The following ANKS1B variants were observed in gnomAD, a reference collection of about 807,000 sequenced individuals.
ANKS1B encodes the protein ankyrin repeat and sterile alpha motif domain-containing protein 1B.
In ANKS1B, 36 loss-of-function variants were observed where a neutral mutation model predicts 148.3. The ratio of observed to expected loss-of-function variants is 0.24; its 90% CI spans 0.19 to 0.32. The LOEUF (loss-of-function observed/expected upper bound fraction) is 0.32, where lower values mean the gene tolerates loss of function less well. Among genes scored for constraint, ANKS1B ranks in the 10% least tolerant of loss-of-function variants. ANKS1B has a pLI of 1.00. For missense variants in ANKS1B, 1,157 were observed against 1,542.6 expected, an observed-to-expected ratio of 0.75 and a Z score of 4.19; for synonymous variants, 542 against 560.8, an observed-to-expected ratio of 0.97 and a Z score of 0.47.
At chr12:99,384,668 C>T (rs11109820) in intron 12 of ANKS1B, among the ~76,000 whole-genome samples, 1 of 150,804 alleles carries the variant, frequency 6.6e-6, no homozygotes, top group African/African-American at 2.4e-5. Context: ...CTTTCTCCTT[C>T]CTCACCATGT....
rs989600494 is a variant in ANKS1B at position 99,632,403 on chromosome 12, G to A, written c.1272+22664C>T. On this transcript the variant is annotated intron_variant, in intron 9 of 26. Coordinates refer to ENST00000683438, the MANE Select transcript of ANKS1B (RefSeq NM_001352186.2). ...AAAGTGGAAATGTGGGGTTGGAGCTGCTGCAGAGAATCCTCACTGCATAGG... is the reference window on the plus strand; with the variant it reads ...AAAGTGGAAATGTGGGGTTGGAGCTACTGCAGAGAATCCTCACTGCATAGG... 1.1e-4 allele frequency among the ~76,000 whole-genome samples: 16 copies of A among 152,058 alleles called. No individual in the cohort carries two copies. In the East Asian group the frequency reaches 2.2e-3, roughly 20 times the overall value.
At chr12:98,809,356 T>G (rs894956348) in intron 19 of ANKS1B, among the ~76,000 whole-genome samples, 2 of 152,216 alleles carry the variant, frequency 1.3e-5, no homozygotes, top group African/African-American at 4.8e-5. Flanking sequence ...ACTAACTCCA[T>G]GCGTTAGCTG....
In ANKS1B at chr12:99,106,120, T is replaced by C. The variant is rs144559376; in HGVS notation, c.2527-21097A>G. Among the ~76,000 whole-genome samples the C allele has an allele frequency of 5.3e-5, 8 of 152,322 alleles. No homozygotes were observed. The East Asian group carries it at 1.5e-3, about 29-fold the overall frequency. ...GCAAGGGCTCAGATCTCTACTTCAA[T>C]AGAAATGCTCATTGGTACTATCTGA... On this transcript the variant is annotated intron_variant, in intron 15 of 26. Coordinates refer to ENST00000683438, the MANE Select transcript of ANKS1B (RefSeq NM_001352186.2).
intron 15 of ANKS1B, among the ~76,000 whole-genome samples, chr12:99,142,858 A>G (rs750114026): frequency 3.9e-5 from 6 of 151,956 alleles, no homozygotes; most frequent in Non-Finnish European, 8.8e-5. Context: ...ACAGTGAGGG[A>G]TTTCTGGATG....
intron 12 of ANKS1B, among the ~76,000 whole-genome samples, chr12:99,321,915 T>C (rs2085348945): frequency 6.6e-6 from 1 of 152,194 alleles, no homozygotes; most frequent in African/African-American, 2.4e-5. Flanking sequence ...GGTGGGAATG[T>C]AAATGAGTTC....
intron 1 of ANKS1B, among the ~76,000 whole-genome samples, chr12:99,915,110 A>G (rs2153790924): frequency 6.6e-6 from 1 of 152,014 alleles, no homozygotes; most frequent in Admixed American, 6.6e-5. Flanking sequence ...CTGTAATCCT[A>G]GCTACTTGGG....
intron 19 of ANKS1B, among the ~76,000 whole-genome samples, chr12:98,814,446 G>C (rs1438638362): frequency 6.6e-6 from 1 of 152,148 alleles, no homozygotes; most frequent in African/African-American, 2.4e-5. Flanking sequence ...TACTCTATTG[G>C]TGCCACTTGT....
chr12:99,885,401 T>A (rs35870754), intron 1 of ANKS1B, among the ~76,000 whole-genome samples: 1 of 150,012 alleles, frequency 6.7e-6, no homozygotes, highest in African/African-American at 2.5e-5. Flanking sequence ...CCCGGGTTCC[T>A]GCCATTCTCC....
intron 1 of ANKS1B, among the ~76,000 whole-genome samples, chr12:99,971,551 A>C (rs1244461081): frequency 6.6e-6 from 1 of 151,922 alleles, no homozygotes; most frequent in East Asian, 1.9e-4. Context: ...TCAAATGCAG[A>C]TTACTAACTA....
At chr12:98,768,916 A>G (rs527827600) in intron 25 of ANKS1B, among the ~76,000 whole-genome samples, 1 of 151,912 alleles carries the variant, frequency 6.6e-6, no homozygotes, top group East Asian at 1.9e-4. Flanking sequence ...TCGGACTACA[A>G]TTTCTATGAG....
At chr12:98,761,009 T>C (rs1234512312) in intron 25 of ANKS1B, among the ~76,000 whole-genome samples, 4 of 152,208 alleles carry the variant, frequency 2.6e-5, no homozygotes. Context: ...AAGTGCCTTC[T>C]GTGGATTGTC....
intron 17 of ANKS1B, among the ~76,000 whole-genome samples, chr12:98,854,017 C>T (rs547802954): frequency 4.6e-4 from 70 of 152,262 alleles, no homozygotes; most frequent in African/African-American, 1.6e-3. Flanking sequence ...TGGACTGGGC[C>T]CACCCCTCTG....
intron 8 of ANKS1B, among the ~76,000 whole-genome samples, chr12:99,760,363 T>C (rs1414290595): frequency 6.6e-6 from 1 of 151,892 alleles, no homozygotes; most frequent in Non-Finnish European, 1.5e-5. Flanking sequence ...GGAATAAAAA[T>C]AGAAATCAAT....
At chr12:99,768,237 C>A (rs1276508009) in intron 8 of ANKS1B, among the ~76,000 whole-genome samples, 1 of 152,164 alleles carries the variant, frequency 6.6e-6, no homozygotes, top group Non-Finnish European at 1.5e-5. Flanking sequence ...TAAATTTTAA[C>A]TGAACCCAAA....
At chr12:99,291,355 A>G (rs1160368226) in intron 12 of ANKS1B, among the ~76,000 whole-genome samples, 2 of 152,178 alleles carry the variant, frequency 1.3e-5, no homozygotes, top group East Asian at 3.8e-4. Flanking sequence ...TCCCTATCAA[A>G]TATCAATGAC....
chr12:99,545,751 C>A (rs921216478), intron 9 of ANKS1B, among the ~76,000 whole-genome samples: 1 of 144,622 alleles, frequency 6.9e-6, no homozygotes, highest in South Asian at 2.2e-4. Context: ...TATACACACA[C>A]ATATATATAT....
intron 14 of ANKS1B, among the ~76,000 whole-genome samples, chr12:99,207,062 T>C (rs920188892): frequency 2.6e-5 from 4 of 152,152 alleles, no homozygotes; most frequent in Non-Finnish European, 5.9e-5. Context: ...CTGTGACAAA[T>C]GTTAATCTTC....
chr12:99,722,672 T>A (rs898406308), intron 8 of ANKS1B, among the ~76,000 whole-genome samples: 2 of 152,154 alleles, frequency 1.3e-5, no homozygotes, highest in Admixed American at 1.3e-4. Flanking sequence ...CTGCAGCCAA[T>A]GGATCAAGCA....
chr12:99,461,704 T>C (rs1451417168), intron 10 of ANKS1B, among the ~76,000 whole-genome samples: 1 of 152,206 alleles, frequency 6.6e-6, no homozygotes, highest in Admixed American at 6.5e-5. Flanking sequence ...CTATCATCAT[T>C]TTGGGAACTG....
Sources: allele counts gnomAD v4.1 joint callset (sites outside exome capture counted in the v4.1 genomes callset), GRCh38; gene constraint gnomAD v4.1.1; transcripts MANE v1.5; gene names NCBI Gene and HGNC (gene_info 2026-07-23, HGNC 2026-07-21).